The following CNTN5 variants were observed in gnomAD, a reference collection of about 807,000 sequenced individuals.
CNTN5 encodes contactin-5.
In CNTN5, 77 loss-of-function variants were observed where a neutral mutation model predicts 129.1. That is an observed-to-expected ratio of 0.60 (90% confidence interval 0.50 to 0.72). CNTN5 has a LOEUF of 0.72. Among genes scored for constraint, CNTN5 ranks in the 30% least tolerant of loss-of-function variants. The pLI, the probability that CNTN5 is intolerant of heterozygous loss-of-function variation, is 0.00. For synonymous variants in CNTN5, 509 were observed against 465.6 expected (o/e 1.09, Z -1.20); for missense variants, 1,478 against 1,328.8 (o/e 1.11, Z -1.75).
At chr11:99,636,747 G>T (rs116955732) in intron 3 of CNTN5, among the ~76,000 whole-genome samples, 4,000 of 149,484 alleles carry the variant, frequency 0.027, 67 homozygotes, top group Non-Finnish European at 0.044. Context: ...GGGCGCGGTG[G>T]CTCATACCTG....
At chr11:99,036,198 A>G (rs1863724322) in intron 1 of CNTN5, among the ~76,000 whole-genome samples, 2 of 152,166 alleles carry the variant, frequency 1.3e-5, no homozygotes, top group South Asian at 4.1e-4. Flanking sequence ...AGTTGCTTGG[A>G]TAAATATTAA....
At chr11:99,336,431 T>C (rs189134968) in intron 2 of CNTN5, among the ~76,000 whole-genome samples, 3 of 152,178 alleles carry the variant, frequency 2.0e-5, no homozygotes, top group Non-Finnish European at 4.4e-5. Flanking sequence ...GAAATAGTAA[T>C]TCTGTGTAAT....
At chr11:99,187,500 T>C (rs1487823251) in intron 1 of CNTN5, among the ~76,000 whole-genome samples, 2 of 151,902 alleles carry the variant, frequency 1.3e-5, no homozygotes, top group African/African-American at 2.4e-5. Context: ...TGAATTAAAA[T>C]AACAAATTGA....
intron 4 of CNTN5, among the ~76,000 whole-genome samples, chr11:99,840,109 T>G (rs1384913742): frequency 6.6e-6 from 1 of 152,094 alleles, no homozygotes; most frequent in East Asian, 1.9e-4. Flanking sequence ...CACTTAAAAA[T>G]GATGACAGTT....
chr11:99,354,042 ATTT>A (rs1480999496), intron 2 of CNTN5, among the ~76,000 whole-genome samples: 1 of 152,208 alleles, frequency 6.6e-6, no homozygotes, highest in African/African-American at 2.4e-5. Flanking sequence ...AATTCATAGC[ATTT>A]TTAGCAATCT....
rs542784572 is a variant in CNTN5 at position 100,011,553 on chromosome 11, A to G, written c.980+9417A>G. Among the ~76,000 whole-genome samples, 170 of 152,256 alleles carry G rather than the reference A, an allele frequency of 1.1e-3. 1 individual carries two copies. The highest frequency in any genetic ancestry group is 3.8e-3 in the African/African-American group (158 of 41,558). On this transcript the variant is annotated intron_variant, in intron 9 of 24. Coordinates refer to ENST00000524871, the MANE Select transcript of CNTN5 (RefSeq NM_014361.4). The stretch of plus-strand genomic sequence containing the variant: ...CCTTGAACCTGTTACTGTAATAATT[A>G]TGTGAATGACCTTTGCAAACTCATC...
intron 3 of CNTN5, among the ~76,000 whole-genome samples, chr11:99,558,927 G>A (rs1228669941): frequency 6.6e-6 from 1 of 151,942 alleles, no homozygotes; most frequent in Non-Finnish European, 1.5e-5. Context: ...GTAGATATCT[G>A]TTTAAAATAA....
chr11:99,682,177 G>A (rs1420005447), intron 3 of CNTN5, among the ~76,000 whole-genome samples: 1 of 152,012 alleles, frequency 6.6e-6, no homozygotes, highest in Admixed American at 6.6e-5. Context: ...TAAGGGAATT[G>A]ATGATTAGCA....
At chr11:100,179,118 T>C (rs1466340869) in intron 13 of CNTN5, among the ~76,000 whole-genome samples, 2 of 152,148 alleles carry the variant, frequency 1.3e-5, no homozygotes, top group Non-Finnish European at 2.9e-5. Flanking sequence ...CAACAAATTA[T>C]TGTCAACTGT....
At chr11:99,468,469 G>T (rs540231764) in intron 2 of CNTN5, among the ~76,000 whole-genome samples, 1 of 152,214 alleles carries the variant, frequency 6.6e-6, no homozygotes, top group African/African-American at 2.4e-5. Flanking sequence ...AACAATCCCT[G>T]TTGTACTTCA....
intron 18 of CNTN5, among the ~76,000 whole-genome samples, chr11:100,291,804 A>T (rs1382273857): frequency 6.7e-6 from 1 of 149,938 alleles, no homozygotes; most frequent in Non-Finnish European, 1.5e-5. Context: ...ATAAATAAAT[A>T]AAAAATTAAA....
rs150387065 is a variant in CNTN5, at chr11:99,660,038, A to C, written c.55+103769A>C. Reference sequence around the variant, plus strand: ...ATTTTACTGGAACAAATTGGTTACCAGTATGCAGAAATATGAACATTGATC... The same window carrying C: ...ATTTTACTGGAACAAATTGGTTACCCGTATGCAGAAATATGAACATTGATC... On this transcript the variant is annotated intron_variant, in intron 3 of 24. Coordinates refer to ENST00000524871, the MANE Select transcript of CNTN5 (RefSeq NM_014361.4). Among the ~76,000 whole-genome samples the C allele has an allele frequency of 2.2e-3, 341 of 152,302 alleles. 1 individual carries two copies. Among genetic ancestry groups the C allele is most frequent in the African/African-American group, 7.5e-3 (311 of 41,588 alleles).
At chr11:100,281,798 G>C (rs145516699) in intron 18 of CNTN5, among the ~76,000 whole-genome samples, 5 of 151,746 alleles carry the variant, frequency 3.3e-5, no homozygotes, top group African/African-American at 7.3e-5. Flanking sequence ...CTAGTCTGAC[G>C]TATATTTTCA....
chr11:99,795,896 G>T (rs1945920036), intron 3 of CNTN5, among the ~76,000 whole-genome samples: 1 of 152,186 alleles, frequency 6.6e-6, no homozygotes, highest in East Asian at 1.9e-4. Flanking sequence ...ACAACACTCT[G>T]TTGAATGTGC....
At chr11:99,807,665 C>T (rs11221466) in intron 3 of CNTN5, among the ~76,000 whole-genome samples, 24,299 of 151,986 alleles carry the variant, frequency 0.16, 2,054 homozygotes, top group Non-Finnish European at 0.18. Context: ...CAGGCATGCA[C>T]TACCATGCCC....
At chr11:99,315,324 A>C (rs1463493930) in intron 1 of CNTN5, among the ~76,000 whole-genome samples, 1 of 149,660 alleles carries the variant, frequency 6.7e-6, no homozygotes, top group East Asian at 2.0e-4. Context: ...TCTGTTCCTA[A>C]GTGTGCCACT....
intron 8 of CNTN5, among the ~76,000 whole-genome samples, chr11:99,970,576 G>T (rs1951221885): frequency 6.6e-6 from 1 of 152,140 alleles, no homozygotes; most frequent in South Asian, 2.1e-4. Context: ...AAAGCACTTA[G>T]AAAAGTGCCT....
intron 2 of CNTN5, among the ~76,000 whole-genome samples, chr11:99,372,342 AGTG>A (rs1297636713): frequency 3.9e-5 from 6 of 152,246 alleles, no homozygotes; most frequent in Admixed American, 2.0e-4. Flanking sequence ...AACAAAAAAA[AGTG>A]GTACCATTTA....
intron 1 of CNTN5, among the ~76,000 whole-genome samples, chr11:99,321,309 G>A (rs1865560227): frequency 1.3e-5 from 2 of 150,290 alleles, no homozygotes; most frequent in South Asian, 4.2e-4. Flanking sequence ...GACTAATACA[G>A]AAAGGAGATT....
Sources: gnomAD v4.1 joint callset for allele counts (sites outside exome capture counted in the v4.1 genomes callset) on GRCh38, gnomAD v4.1.1 for gene constraint, MANE v1.5 for transcripts, NCBI Gene and HGNC (gene_info 2026-07-23, HGNC 2026-07-21) for gene names.